Variants in FNDC3B observed in about 807,000 individuals in gnomAD.
FNDC3B encodes fibronectin type III domain-containing protein 3B.
In FNDC3B, 12 loss-of-function variants were observed where a neutral mutation model predicts 151.5. The ratio of observed to expected loss-of-function variants is 0.08; its 90% CI spans 0.05 to 0.13. The LOEUF (loss-of-function observed/expected upper bound fraction) is 0.13, where lower values mean the gene tolerates loss of function less well. Ranked by LOEUF, FNDC3B falls within the 10% of genes least tolerant of loss-of-function variation. The pLI is 1.00. For synonymous variants in FNDC3B, 528 were observed against 549.0 expected (o/e 0.96, Z 0.54); for missense variants, 1,214 against 1,505.3 (o/e 0.81, Z 3.20).
chr3:172,335,646 A>G (rs1429629427), intron 15 of FNDC3B: 1 of 152,184 alleles, frequency 6.6e-6, no homozygotes, highest in Non-Finnish European at 1.5e-5. Context: ...ATTAAAGTTC[A>G]TAAGGAGTTT....
intron 1 of FNDC3B, among the ~76,000 whole-genome samples, chr3:172,076,746 G>T (rs1025328269): frequency 1.3e-5 from 2 of 152,110 alleles, no homozygotes; most frequent in Non-Finnish European, 2.9e-5. Context: ...TTTGATAAAG[G>T]CATGTGAATT....
chr3:172,314,334 T>G (rs1235525905), intron 11 of FNDC3B, among the ~76,000 whole-genome samples: 3 of 151,968 alleles, frequency 2.0e-5, no homozygotes, highest in Non-Finnish European at 2.9e-5. Flanking sequence ...GTTTTTGAGG[T>G]GCACAGAGAC....
At chr3:172,216,652 G>A (rs1560022658) in intron 3 of FNDC3B, among the ~76,000 whole-genome samples, 1 of 152,146 alleles carries the variant, frequency 6.6e-6, no homozygotes, top group Admixed American at 6.5e-5. Context: ...CAGCCTGGAT[G>A]GCAGAGCGAG....
chr3:172,197,052 G>A (rs1480101564), intron 3 of FNDC3B, among the ~76,000 whole-genome samples: 1 of 151,996 alleles, frequency 6.6e-6, no homozygotes, highest in Non-Finnish European at 1.5e-5. Flanking sequence ...GTGGTGGCAT[G>A]TGCCTGTGGT....
intron 1 of FNDC3B, among the ~76,000 whole-genome samples, chr3:172,101,344 T>C (rs1009066106): frequency 1.3e-5 from 2 of 152,234 alleles, no homozygotes; most frequent in African/African-American, 4.8e-5. Context: ...AAGTGTCCAA[T>C]GCAGATTCGT....
intron 1 of FNDC3B, among the ~76,000 whole-genome samples, chr3:172,094,634 A>G (rs1287275916): frequency 6.6e-6 from 1 of 152,000 alleles, no homozygotes; most frequent in African/African-American, 2.4e-5. Flanking sequence ...ATCTGTGAGG[A>G]ATCTGCGTTT....
At position 172,362,786 on chromosome 3, in the gene FNDC3B, C is replaced by T; in HGVS notation, c.2949C>T (p.Ser983=). ...AGCTAAAATGGGGAGACAGTAACTC[C>T]AAGACACATGCTGCTGAGGACATTG... ...SLKLKWGDSN[S]KTHAAEDIVY... is the part of the protein sequence containing the mutation. Residue 983 remains serine (S), a synonymous_variant, in exon 23 of 26, where the codon TCC becomes TCT. Coordinates refer to ENST00000415807, the MANE Select transcript of FNDC3B (RefSeq NM_022763.4). 6.2e-7 allele frequency: 1 copy of T among 1,614,046 alleles called. No homozygotes were observed. Among genetic ancestry groups the T allele is most frequent in the African/African-American group, 1.3e-5 (1 of 75,022 alleles).
intron 6 of FNDC3B, among the ~76,000 whole-genome samples, chr3:172,281,004 A>G (rs1402299547): frequency 6.6e-6 from 1 of 151,950 alleles, no homozygotes; most frequent in Admixed American, 6.6e-5. Context: ...TTTTAGGGAA[A>G]AGAAAGACTT....
At chr3:172,059,504 A>G (rs2108469498) in intron 1 of FNDC3B, among the ~76,000 whole-genome samples, 1 of 152,246 alleles carries the variant, frequency 6.6e-6, no homozygotes, top group Non-Finnish European at 1.5e-5. Context: ...GCATCTGAAA[A>G]ATTGTTTTCT....
chr3:172,108,171 A>G (rs1444929043), intron 1 of FNDC3B, among the ~76,000 whole-genome samples: 1 of 141,596 alleles, frequency 7.1e-6, no homozygotes, highest in African/African-American at 3.1e-5. Flanking sequence ...CTGTCTCAAA[A>G]AAAAGAAAAA....
At chr3:172,327,727 C>G (rs1458057052) in intron 11 of FNDC3B, among the ~76,000 whole-genome samples, 1 of 152,144 alleles carries the variant, frequency 6.6e-6, no homozygotes, top group African/African-American at 2.4e-5. Flanking sequence ...TTAATGTGCT[C>G]ACCGTAGCAA....
intron 22 of FNDC3B, among the ~76,000 whole-genome samples, chr3:172,360,129 G>A (rs539232531): frequency 6.6e-6 from 1 of 152,314 alleles, no homozygotes; most frequent in Admixed American, 6.5e-5. Flanking sequence ...GAGAGTTCCA[G>A]TTGTACCTTA....
intron 1 of FNDC3B, among the ~76,000 whole-genome samples, chr3:172,070,876 T>C (rs1371741677): frequency 6.6e-6 from 1 of 152,186 alleles, no homozygotes; most frequent in Non-Finnish European, 1.5e-5. Flanking sequence ...AATATTTCAG[T>C]ATTTTTTTCA....
chr3:172,073,365 C>G (rs779003915), intron 1 of FNDC3B, among the ~76,000 whole-genome samples: 2 of 152,164 alleles, frequency 1.3e-5, no homozygotes, highest in Non-Finnish European at 2.9e-5. Context: ...AATGTAGAGA[C>G]TGGCTGTGAA....
intron 25 of FNDC3B, among the ~76,000 whole-genome samples, chr3:172,388,554 A>G (rs921161702): frequency 1.3e-5 from 2 of 152,230 alleles, no homozygotes; most frequent in African/African-American, 4.8e-5. Context: ...AATGAATGAA[A>G]ACAAAGGGAC....
At chr3:172,103,381 C>T (rs575141038) in intron 1 of FNDC3B, among the ~76,000 whole-genome samples, 37 of 152,018 alleles carry the variant, frequency 2.4e-4, no homozygotes, top group African/African-American at 8.7e-4. Flanking sequence ...CGGAAGCAGC[C>T]TCAAATTACA....
intron 1 of FNDC3B, among the ~76,000 whole-genome samples, chr3:172,084,217 G>A (rs780813050): frequency 6.6e-6 from 1 of 152,148 alleles, no homozygotes; most frequent in African/African-American, 2.4e-5. Context: ...GGGAGGCCAA[G>A]GTGGGAGGAT....
Position 172,397,976 on chromosome 3 carries a change from A to T in FNDC3B, c.*501A>T, listed in dbSNP as rs748210423. 3.9e-5 allele frequency: 6 copies of T among 152,524 alleles called. No homozygotes were observed. The highest frequency in any genetic ancestry group is 8.8e-5 in the Non-Finnish European group (6 of 68,124). The allele number at this position is 152,524 out of a possible 1,614,324, so 9.4% of individuals were successfully genotyped here. A position where few individuals can be genotyped will look rare whatever the true frequency, so the allele number is the denominator to read the frequency against. On this transcript the variant is annotated 3_prime_UTR_variant, in exon 26 of 26. Coordinates refer to ENST00000415807, the MANE Select transcript of FNDC3B (RefSeq NM_022763.4). ...ACATACAGAAGATATGTTCACTCAG[A>T]TAAGACTGCCCTAAACAACCATTTT...
chr3:172,158,008 C>T (rs1316790513), intron 3 of FNDC3B, among the ~76,000 whole-genome samples: 1 of 152,128 alleles, frequency 6.6e-6, no homozygotes, highest in African/African-American at 2.4e-5. Context: ...GGACCTTTTT[C>T]ACTCCTTCTA....
Sources: allele counts gnomAD v4.1 joint callset (sites outside exome capture counted in the v4.1 genomes callset), GRCh38; gene constraint gnomAD v4.1.1; transcripts MANE v1.5; gene names NCBI Gene and HGNC (gene_info 2026-07-23, HGNC 2026-07-21).